Variants in CAB39L observed in about 807,000 individuals in gnomAD.
CAB39L encodes calcium binding protein 39 like, also known as calcium-binding protein 39-like.
Under a neutral mutation model 39.1 loss-of-function variants are expected in CAB39L, and 23 were observed. The observed-to-expected ratio is 0.59, with a 90% CI of 0.42 to 0.83. The LOEUF is 0.83. Ranked by LOEUF, CAB39L falls within the 40% of genes least tolerant of loss-of-function variation. The pLI is 0.00. For missense variants in CAB39L, 366 were observed against 391.9 expected (o/e 0.93, Z 0.56); for synonymous variants, 126 against 137.2 (o/e 0.92, Z 0.57).
chr13:49,392,235 G>T (rs993628919), intron 3 of CAB39L, among the ~76,000 whole-genome samples: 1 of 152,002 alleles, frequency 6.6e-6, no homozygotes, highest in Non-Finnish European at 1.5e-5. Context: ...AATTACCCTT[G>T]CAAATTTAAT....
intron 10 of CAB39L, among the ~76,000 whole-genome samples, chr13:49,315,578 A>G (rs531793227): frequency 5.9e-5 from 9 of 152,250 alleles, no homozygotes; most frequent in African/African-American, 2.2e-4. Flanking sequence ...TATAGCTATA[A>G]ATGCCTACAT....
chr13:49,343,626 G>C (rs1009711284), intron 8 of CAB39L, among the ~76,000 whole-genome samples: 7 of 151,690 alleles, frequency 4.6e-5, no homozygotes, highest in Non-Finnish European at 1.0e-4. Flanking sequence ...AGAAGAGAGA[G>C]GAGAGAGGAG....
chr13:49,435,971 C>T lies in CAB39L; in HGVS notation c.-245-1748G>A, dbSNP rs1957406669. ...TATTTTTCCCCGCTTTGTCGCTTGC[C>T]TTTTGACTTTGCTCGTGGCATTTTT... is the stretch of plus-strand genomic sequence containing the variant. On this transcript the variant is annotated intron_variant, in intron 1 of 10. Coordinates refer to ENST00000409308, the MANE Select transcript of CAB39L (RefSeq NM_001079670.3). 1.3e-5 allele frequency among the ~76,000 whole-genome samples: 2 copies of T among 152,144 alleles called. 1 individual carries two copies. Among genetic ancestry groups the T allele is most frequent in the South Asian group, 4.1e-4 (2 of 4,828 alleles).
chr13:49,329,415 T>A (rs1322116650), intron 10 of CAB39L, among the ~76,000 whole-genome samples: 1 of 151,428 alleles, frequency 6.6e-6, no homozygotes, highest in Non-Finnish European at 1.5e-5. Flanking sequence ...ACAATAAATA[T>A]CTGGGCTGGA....
At position 49,313,330 on chromosome 13, in the gene CAB39L, A is replaced by C. The variant is rs142128213; in HGVS notation, c.835-2337T>G. Among the ~76,000 whole-genome samples, 446 of 152,134 alleles carry C rather than the reference A, an allele frequency of 2.9e-3. 12 individuals are homozygous for C. In the East Asian group the frequency reaches 0.048, roughly 16 times the overall value. On this transcript the variant is annotated intron_variant, in intron 10 of 10. Coordinates refer to ENST00000409308, the MANE Select transcript of CAB39L (RefSeq NM_001079670.3). ...TCCCATCTCTACTAAAAATACAAAAAATTAGCCAGGCGTGGTGGCGGGCGC... is the reference window on the plus strand; with the variant it reads ...TCCCATCTCTACTAAAAATACAAAACATTAGCCAGGCGTGGTGGCGGGCGC...
Position 49,310,740 on chromosome 13 carries a change from T to C in CAB39L, c.*74A>G. On this transcript the variant is annotated 3_prime_UTR_variant, in exon 11 of 11. Coordinates refer to ENST00000409308, the MANE Select transcript of CAB39L (RefSeq NM_001079670.3). ...ACCTCCAAAGTCTTCCCAAGAATGA[T>C]GACTTTCTGAAATGACACACTGTAC... 3.4e-6 allele frequency: 5 copies of C among 1,468,826 alleles called. No homozygotes were observed. The highest frequency in any genetic ancestry group is 4.6e-6 in the Non-Finnish European group (5 of 1,081,542). The allele number at this position is 1,468,826 out of a possible 1,614,324, so 91.0% of individuals were successfully genotyped here.
At chr13:49,388,791 G>T (rs989801492) in intron 3 of CAB39L, among the ~76,000 whole-genome samples, 7 of 152,074 alleles carry the variant, frequency 4.6e-5, no homozygotes, top group Non-Finnish European at 7.4e-5. Context: ...AAAGGAAACT[G>T]CCCCAAAAAT....
At chr13:49,377,786 G>A (rs1217782833) in intron 4 of CAB39L, among the ~76,000 whole-genome samples, 13 of 93,022 alleles carry the variant, frequency 1.4e-4, no homozygotes, top group East Asian at 4.2e-4. Flanking sequence ...CCAAAGTGCC[G>A]AGATTGCAGC....
At chr13:49,391,186 A>T (rs1334827865) in intron 3 of CAB39L, among the ~76,000 whole-genome samples, 1 of 152,216 alleles carries the variant, frequency 6.6e-6, no homozygotes, top group Admixed American at 6.5e-5. Context: ...ACCAAATGAC[A>T]GAAGGCAGTG....
At chr13:49,368,528 C>T (rs1436192836) in intron 5 of CAB39L, among the ~76,000 whole-genome samples, 1 of 151,948 alleles carries the variant, frequency 6.6e-6, no homozygotes, top group African/African-American at 2.4e-5. Flanking sequence ...GCCCTGGACT[C>T]AGAAGTGGCC....
At chr13:49,413,581 C>T (rs1302117589) in intron 3 of CAB39L, 5 of 152,138 alleles carry the variant, frequency 3.3e-5, no homozygotes, top group Non-Finnish European at 1.5e-5. Flanking sequence ...AAGGGAAATA[C>T]ATAGGGAAGT....
In CAB39L at chr13:49,309,203, C is replaced by T. The variant is rs1343132550; in HGVS notation, c.*1611G>A. On this transcript the variant is annotated 3_prime_UTR_variant, in exon 11 of 11. Transcript: ENST00000409308. The stretch of plus-strand genomic sequence containing the variant: ...ACGGGTCATCAGGCTGCCGGCCGGC[C>T]TCCTGCAAGGGCACTGGCCAGGGAG... The T allele has an allele frequency of 6.6e-6, 1 of 152,252 alleles. No individual in the cohort carries two copies. The highest frequency in any genetic ancestry group is 6.5e-5 in the Admixed American group (1 of 15,288). 9.4% of individuals were successfully genotyped at this position (152,252 alleles called of 1,614,324 possible).
At chr13:49,432,157 T>C (rs1311393364) in intron 3 of CAB39L, among the ~76,000 whole-genome samples, 1 of 152,174 alleles carries the variant, frequency 6.6e-6, no homozygotes, top group Non-Finnish European at 1.5e-5. Flanking sequence ...TGTACATATA[T>C]ACATATTTAG....
In CAB39L at chr13:49,377,118, A is replaced by G. The variant is rs376996489; in HGVS notation, c.125T>C (p.Val42Ala). The change falls in exon 5 of 11, where the codon GTG becomes GCG. Residue 42 changes from valine (V) to alanine (A), a missense_variant. Coordinates refer to ENST00000409308, the MANE Select transcript of CAB39L (RefSeq NM_001079670.3). ...DKKTDKASEE[V>A]SKSLQAMKEI... ...TTTCATTGCTTGCAGTGATTTAGAC[A>G]CTTCTTCTGAAGCCTAGTGACCAAA... 1.5e-5 allele frequency: 25 copies of G among 1,612,980 alleles called. No homozygotes were observed. The African/African-American group carries it at 2.7e-4, about 17-fold the overall frequency.
chr13:49,333,568 C>CTTTTTTT (rs796079933), intron 9 of CAB39L, among the ~76,000 whole-genome samples: 12 of 111,856 alleles, frequency 1.1e-4, no homozygotes, highest in African/African-American at 1.5e-4. Flanking sequence ...TTCTTTCTTT[C>CTTTTTTT]TTTTTTTTTT....
intron 9 of CAB39L, among the ~76,000 whole-genome samples, chr13:49,335,506 A>G (rs906321851): frequency 6.6e-6 from 1 of 152,228 alleles, no homozygotes; most frequent in Non-Finnish European, 1.5e-5. Context: ...CCAGAATAAT[A>G]CAAAGCACTA....
intron 5 of CAB39L, among the ~76,000 whole-genome samples, chr13:49,365,686 T>A (rs1347476060): frequency 2.0e-5 from 3 of 152,182 alleles, no homozygotes; most frequent in Non-Finnish European, 4.4e-5. Context: ...ACCCCTCATA[T>A]GCTGTTGGTA....
At chr13:49,378,620 C>T (rs1398719374) in intron 4 of CAB39L, among the ~76,000 whole-genome samples, 10 of 69,328 alleles carry the variant, frequency 1.4e-4, no homozygotes, top group South Asian at 1.0e-3. Context: ...CCAGCCGCCC[C>T]GTCCGGGAGG....
At chr13:49,340,190 T>G (rs1286418081) in intron 8 of CAB39L, among the ~76,000 whole-genome samples, 1 of 152,254 alleles carries the variant, frequency 6.6e-6, no homozygotes, top group Admixed American at 6.5e-5. Flanking sequence ...CAACCTTTGT[T>G]GCATGACGGC....
Sources: gnomAD v4.1 joint callset for allele counts (sites outside exome capture counted in the v4.1 genomes callset) on GRCh38, gnomAD v4.1.1 for gene constraint, MANE v1.5 for transcripts, NCBI Gene and HGNC (gene_info 2026-07-23, HGNC 2026-07-21) for gene names.